ERC1: variants seen among roughly 807,000 people sequenced by gnomAD.
ERC1 encodes the protein RAB6 interacting protein 2.
Under a neutral mutation model 132.0 loss-of-function variants are expected in ERC1, and 56 were observed. That is an observed-to-expected ratio of 0.42 (90% CI 0.34 to 0.53). ERC1 has a LOEUF of 0.53. ERC1 is among the 20% of genes least tolerant of loss of function. ERC1 has a pLI of 0.03. For missense variants in ERC1, 1,202 were observed against 1,349.9 expected, an observed-to-expected ratio of 0.89 and a Z score of 1.72; for synonymous variants, 478 against 476.1, an observed-to-expected ratio of 1.00 and a Z score of -0.05.
chr12:1,262,752 T>C (rs1447508599), intron 13 of ERC1, among the ~76,000 whole-genome samples: 1 of 152,232 alleles, frequency 6.6e-6, no homozygotes, highest in Non-Finnish European at 1.5e-5. Context: ...TTGCCACCTC[T>C]GCTGTCTAAC....
intron 18 of ERC1, among the ~76,000 whole-genome samples, chr12:1,469,494 C>T (rs952581361): frequency 9.2e-5 from 14 of 152,246 alleles, no homozygotes; most frequent in South Asian, 2.1e-4. Context: ...AAGGACCTGG[C>T]GGTCCTTCCA....
chr12:1,051,448 G>A (rs1463014777), intron 2 of ERC1, among the ~76,000 whole-genome samples: 1 of 150,864 alleles, frequency 6.6e-6, no homozygotes, highest in East Asian at 1.9e-4. Context: ...CCAGTGGTTT[G>A]GGAGGCCGAG....
At chr12:1,198,780 A>C (rs1303525356) in intron 12 of ERC1, among the ~76,000 whole-genome samples, 1 of 152,262 alleles carries the variant, frequency 6.6e-6, no homozygotes, top group Non-Finnish European at 1.5e-5. Flanking sequence ...CAGGAGAGAG[A>C]GAGCCAGCAA....
intron 8 of ERC1, among the ~76,000 whole-genome samples, chr12:1,156,536 C>CAAGA (rs1951418990): frequency 6.6e-6 from 1 of 152,174 alleles, no homozygotes; most frequent in South Asian, 2.1e-4. Flanking sequence ...CACGCCTGAC[C>CAAGA]TCTTGTTGAT....
rs56939346 is a variant in ERC1 at position 1,493,548 on chromosome 12, A to AAAAATTATATATATATATATAT, written c.*3319_*3320insAAATTATATATATATATATATA. ...ACTCCATTTAAAAAAAAAAAAAAAAAATATATATATATATATATATATATA... is the reference window on the plus strand; with the variant it reads ...ACTCCATTTAAAAAAAAAAAAAAAAAAAAATTATATATATATATATATATATATATATATATATATATATATA... On this transcript the variant is annotated 3_prime_UTR_variant, in exon 19 of 19. Coordinates refer to ENST00000360905, the MANE Select transcript of ERC1 (RefSeq NM_178040.4). 7.3e-5 allele frequency: 1 copy of AAAAATTATATATATATATATAT among 13,618 alleles called. No individual in the cohort carries two copies. The highest frequency in any genetic ancestry group is 1.5e-4 in the Non-Finnish European group (1 of 6,820). The allele number at this position is 13,618 out of a possible 1,614,324, so 0.8% of individuals were successfully genotyped here.
intron 17 of ERC1, among the ~76,000 whole-genome samples, chr12:1,433,852 T>C (rs899757654): frequency 1.3e-5 from 2 of 152,028 alleles, no homozygotes; most frequent in Admixed American, 1.3e-4. Context: ...TGAAGAGAGC[T>C]ATTGCTACTG....
chr12:1,143,432 A>C (rs191502270), intron 8 of ERC1, among the ~76,000 whole-genome samples: 12 of 151,644 alleles, frequency 7.9e-5, no homozygotes, highest in African/African-American at 2.9e-4. Flanking sequence ...ATTTTGTGAC[A>C]TATTACAAAA....
chr12:1,131,604 G>T (rs905376519), intron 7 of ERC1, among the ~76,000 whole-genome samples: 3 of 148,328 alleles, frequency 2.0e-5, no homozygotes, highest in African/African-American at 7.4e-5. Flanking sequence ...TGGGATTACA[G>T]GTGCCCACCA....
chr12:1,484,660 C>G (rs1244495030), intron 18 of ERC1, among the ~76,000 whole-genome samples: 1 of 150,082 alleles, frequency 6.7e-6, no homozygotes, highest in Non-Finnish European at 1.5e-5. Context: ...TCACTGTAAG[C>G]TCCGCCTCCC....
At chr12:1,391,601 T>G (rs961007037) in intron 16 of ERC1, 1 of 152,448 alleles carries the variant, frequency 6.6e-6, no homozygotes, top group Admixed American at 6.5e-5. Flanking sequence ...CCTGCCTCCC[T>G]CGGCTTTCCC....
intron 15 of ERC1, among the ~76,000 whole-genome samples, chr12:1,347,269 C>A (rs1054272540): frequency 6.6e-6 from 1 of 152,076 alleles, no homozygotes; most frequent in Non-Finnish European, 1.5e-5. Flanking sequence ...CGCTTCTTGG[C>A]CATTTGGCTA....
intron 18 of ERC1, among the ~76,000 whole-genome samples, chr12:1,489,078 G>A (rs1407140606): frequency 1.3e-5 from 2 of 152,150 alleles, no homozygotes; most frequent in African/African-American, 2.4e-5. Flanking sequence ...CTCACTTCAC[G>A]TGCTCAGTCT....
intron 17 of ERC1, among the ~76,000 whole-genome samples, chr12:1,440,349 C>T (rs573328291): frequency 0.012 from 1,840 of 149,342 alleles, 53 homozygotes; most frequent in African/African-American, 0.04. Context: ...GGACTACAGA[C>T]GCCCGCCACC....
intron 3 of ERC1, among the ~76,000 whole-genome samples, chr12:1,092,086 C>A (rs1943308708): frequency 1.3e-5 from 2 of 151,462 alleles, no homozygotes; most frequent in Admixed American, 6.6e-5. Flanking sequence ...GCAACCTGCG[C>A]CCCCTGGGTT....
chr12:1,116,640 T>A (rs1946481563), intron 7 of ERC1, among the ~76,000 whole-genome samples: 1 of 151,852 alleles, frequency 6.6e-6, no homozygotes, highest in Admixed American at 6.6e-5. Flanking sequence ...GATCTTGGCT[T>A]GGCGTGATCT....
chr12:1,141,488 T>C (rs1255620010), intron 7 of ERC1, 132 bp from the exon 8 acceptor site: 4 of 578,382 alleles, frequency 6.9e-6, no homozygotes, highest in East Asian at 3.4e-5. Flanking sequence ...CAGAGAAACA[T>C]AGATGTAGAT....
chr12:1,036,595 C>T (rs1015110966), intron 2 of ERC1, among the ~76,000 whole-genome samples: 2 of 152,072 alleles, frequency 1.3e-5, no homozygotes, highest in African/African-American at 4.8e-5. Context: ...AGGCTGGTCT[C>T]AAACTCCTGG....
intron 16 of ERC1, among the ~76,000 whole-genome samples, chr12:1,377,306 G>A (rs756482565): frequency 4.6e-5 from 7 of 152,204 alleles, no homozygotes; most frequent in Non-Finnish European, 1.0e-4. Context: ...CGGTAAAGCT[G>A]AGTACTTTGA....
chr12:1,493,662 T>C lies in ERC1; in HGVS notation c.*3432T>C, dbSNP rs2094339269. The C allele has an allele frequency of 5.5e-6, 1 of 181,188 alleles. No individual in the cohort carries two copies. Among genetic ancestry groups the C allele is most frequent in the South Asian group, 2.1e-4 (1 of 4,788 alleles). 11.2% of individuals were successfully genotyped at this position (181,188 alleles called of 1,614,324 possible). On this transcript the variant is annotated 3_prime_UTR_variant, in exon 19 of 19. Transcript: ENST00000360905. Reference sequence around the variant, plus strand: ...TACAATCTAAAGATCTACCTGTGGCTCTCAGACTTCCTCACACTTGGGTTT... The same window carrying C: ...TACAATCTAAAGATCTACCTGTGGCCCTCAGACTTCCTCACACTTGGGTTT...
Sources: allele counts gnomAD v4.1 joint callset (sites outside exome capture counted in the v4.1 genomes callset), GRCh38; gene constraint gnomAD v4.1.1; transcripts MANE v1.5; gene names NCBI Gene and HGNC (gene_info 2026-07-23, HGNC 2026-07-21).